Variants in RYR2 observed in about 807,000 individuals in gnomAD.
The protein encoded by RYR2 is cardiac muscle ryanodine receptor-calcium release channel.
Under a neutral mutation model 601.1 loss-of-function variants are expected in RYR2, and 227 were observed. The ratio of observed to expected loss-of-function variants is 0.38; its 90% CI spans 0.34 to 0.42. The LOEUF (loss-of-function observed/expected upper bound fraction) is 0.42. Ranked by LOEUF, RYR2 falls within the 10% of genes least tolerant of loss-of-function variation. The pLI is 1.00. For synonymous variants in RYR2, 2,223 were observed against 2,175.1 expected (o/e 1.02, Z -0.61); for missense variants, 4,646 against 6,156.5 (o/e 0.75, Z 8.21).
At chr1:237,124,511 G>A (rs1370368385) in intron 1 of RYR2, among the ~76,000 whole-genome samples, 1 of 152,210 alleles carries the variant, frequency 6.6e-6, no homozygotes, top group Non-Finnish European at 1.5e-5. Context: ...GGTGTTGGCA[G>A]AACTACATTT....
intron 104 of RYR2, 137 bp downstream of exon 104, chr1:237,831,702 C>T: frequency 1.7e-6 from 1 of 599,192 alleles, no homozygotes; most frequent in Non-Finnish European, 2.9e-6. Context: ...TGTAAAGTTC[C>T]TGTTATGTTG....
intron 46 of RYR2, 141 bp from the exon 47 acceptor site, chr1:237,640,756 G>A: frequency 4.7e-6 from 3 of 644,014 alleles, no homozygotes; most frequent in Non-Finnish European, 8.1e-6. Context: ...AAAACGTCAA[G>A]CTCTACATTA....
At chr1:237,827,832 G>T (rs1415357771) in intron 101 of RYR2, among the ~76,000 whole-genome samples, 1 of 150,910 alleles carries the variant, frequency 6.6e-6, no homozygotes, top group African/African-American at 2.4e-5. Context: ...AGCTGCTGGG[G>T]AGGCTGAAGC....
At chr1:237,586,648 T>C (rs1674559675) in intron 29 of RYR2, among the ~76,000 whole-genome samples, 1 of 152,202 alleles carries the variant, frequency 6.6e-6, no homozygotes, top group Non-Finnish European at 1.5e-5. Context: ...CTCCCATCTC[T>C]CCATACTTCC....
intron 1 of RYR2, among the ~76,000 whole-genome samples, chr1:237,227,414 G>A (rs1684489514): frequency 1.3e-5 from 2 of 152,184 alleles, no homozygotes; most frequent in Non-Finnish European, 2.9e-5. Flanking sequence ...GGGCGTGGCT[G>A]TGTTTTGATA....
intron 1 of RYR2, among the ~76,000 whole-genome samples, chr1:237,212,526 G>A (rs1216940502): frequency 6.6e-6 from 1 of 152,064 alleles, no homozygotes; most frequent in East Asian, 1.9e-4. Context: ...GATCAATTGA[G>A]CCCAGGTGTT....
chr1:237,547,655 T>C (rs1408643831), intron 25 of RYR2, among the ~76,000 whole-genome samples: 1 of 152,170 alleles, frequency 6.6e-6, no homozygotes, highest in Non-Finnish European at 1.5e-5. Flanking sequence ...TGTGTGTCTG[T>C]GTGGAGCAGG....
At chr1:237,369,938 G>C (rs981153177) in intron 6 of RYR2, among the ~76,000 whole-genome samples, 2 of 151,950 alleles carry the variant, frequency 1.3e-5, no homozygotes. Flanking sequence ...ATTTATTAGA[G>C]AAATAAGGTA....
intron 29 of RYR2, among the ~76,000 whole-genome samples, chr1:237,570,629 A>G (rs368481697): frequency 1.3e-5 from 2 of 152,020 alleles, no homozygotes; most frequent in African/African-American, 4.8e-5. Context: ...CTGAGCCACC[A>G]TGCCCGGCCT....
intron 1 of RYR2, among the ~76,000 whole-genome samples, chr1:237,247,645 G>A (rs907661315): frequency 3.3e-5 from 5 of 152,084 alleles, no homozygotes; most frequent in African/African-American, 4.8e-5. Context: ...TCCAGGAGTG[G>A]GCACACCATG....
At chr1:237,685,325 C>T (rs1686287690) in intron 62 of RYR2, among the ~76,000 whole-genome samples, 1 of 152,112 alleles carries the variant, frequency 6.6e-6, no homozygotes. Flanking sequence ...AGGACCTTGC[C>T]TTCTGTATCT....
chr1:237,831,129 C>G (rs2102952507), intron 103 of RYR2, among the ~76,000 whole-genome samples: 1 of 152,182 alleles, frequency 6.6e-6, no homozygotes, highest in South Asian at 2.1e-4. Context: ...CATTTTCCGA[C>G]CCAATTTTAG....
At chr1:237,382,862 A>G (rs745631750) in intron 8 of RYR2, among the ~76,000 whole-genome samples, 71 of 151,868 alleles carry the variant, frequency 4.7e-4, no homozygotes, top group Non-Finnish European at 9.4e-4. Context: ...ATGGAACCAT[A>G]AAATATTACA....
At chr1:237,832,073 CT>C (rs1475893935) in intron 104 of RYR2, among the ~76,000 whole-genome samples, 1 of 152,038 alleles carries the variant, frequency 6.6e-6, no homozygotes, top group African/African-American at 2.4e-5. Context: ...GAGACAAGGT[CT>C]TGCTGTTTTG....
At chr1:237,285,687 C>T (rs896567630) in intron 2 of RYR2, among the ~76,000 whole-genome samples, 12 of 152,064 alleles carry the variant, frequency 7.9e-5, no homozygotes, top group African/African-American at 2.9e-4. Context: ...TTTTAAATTA[C>T]CATTTCAATC....
intron 12 of RYR2, among the ~76,000 whole-genome samples, chr1:237,426,776 CTG>C (rs1706203706): frequency 6.6e-6 from 1 of 152,112 alleles, no homozygotes; most frequent in South Asian, 2.1e-4. Context: ...AGCTGGGAGT[CTG>C]TGGTGGGAGG....
intron 86 of RYR2, 51 bp from the exon 87 acceptor site, chr1:237,773,469 G>T (rs1234103540): frequency 5.7e-6 from 8 of 1,404,672 alleles, no homozygotes; most frequent in Non-Finnish European, 8.0e-6. Context: ...TTAGTCAATG[G>T]TAACTTTAGA....
At position 237,500,871 on chromosome 1, in the gene RYR2, C is replaced by G. The variant is rs776018906; in HGVS notation, c.2364C>G (p.Phe788Leu). The change falls in exon 21 of 105, where the codon TTC (phenylalanine) becomes TTG (leucine). Residue 788 changes from phenylalanine (F) to leucine (L), a missense_variant. Phe to Leu is a conservative substitution (Grantham distance 22). Coordinates refer to ENST00000366574, the MANE Select transcript of RYR2 (RefSeq NM_001035.3). ...AGAATTTCAACATCGATGGCCTCTT[C>G]TTTCCAGTCGTTAGTTTCTCTGCAG... ...MFENFNIDGLFFPVVSFSAGI... is the reference protein window; with the variant it reads ...MFENFNIDGLLFPVVSFSAGI... 1 of 1,613,936 alleles carries G rather than the reference C, an allele frequency of 6.2e-7. No individual in the cohort carries two copies. The highest frequency in any genetic ancestry group is 8.5e-7 in the Non-Finnish European group (1 of 1,179,902).
intron 1 of RYR2, among the ~76,000 whole-genome samples, chr1:237,085,027 G>C (rs1245127616): frequency 6.6e-6 from 1 of 152,170 alleles, no homozygotes; most frequent in Non-Finnish European, 1.5e-5. Context: ...TTTAAAAGTA[G>C]GTTATTTCAT....
Sources: allele counts gnomAD v4.1 joint callset (sites outside exome capture counted in the v4.1 genomes callset), GRCh38; gene constraint gnomAD v4.1.1; transcripts MANE v1.5; gene names NCBI Gene and HGNC (gene_info 2026-07-23, HGNC 2026-07-21).